Variants in NELL2 observed in about 807,000 individuals in gnomAD.
NELL2 encodes the protein neural EGFL like 2.
Under a neutral mutation model 109.6 loss-of-function variants are expected in NELL2, and 41 were observed. The ratio of observed to expected loss-of-function variants is 0.37; its 90% CI spans 0.29 to 0.49. The LOEUF (loss-of-function observed/expected upper bound fraction) is 0.49. Ranked by LOEUF, NELL2 falls within the 20% of genes least tolerant of loss-of-function variation. NELL2 has a pLI of 0.98. For missense variants in NELL2, 900 were observed against 1,008.3 expected, an observed-to-expected ratio of 0.89 and a Z score of 1.45; for synonymous variants, 355 against 344.7, an observed-to-expected ratio of 1.03 and a Z score of -0.33.
chr12:44,689,790 G>A lies in NELL2; in HGVS notation c.1318+13936C>T, dbSNP rs1313701945. The stretch of plus-strand genomic sequence containing the variant: ...ACAGGTGTACTACTGGCATCTAGTG[G>A]GTAGAGATCAGGGATGCTGCTAAAC... On this transcript the variant is annotated intron_variant, in intron 12 of 19. Transcript: ENST00000429094. 2.4e-4 allele frequency among the ~76,000 whole-genome samples: 36 copies of A among 152,084 alleles called. 1 individual carries two copies. The highest frequency in any genetic ancestry group is 2.4e-3 in the Admixed American group (36 of 15,256).
chr12:44,594,309 T>C (rs1944876096), intron 15 of NELL2, among the ~76,000 whole-genome samples: 1 of 151,620 alleles, frequency 6.6e-6, no homozygotes, highest in South Asian at 2.1e-4. Flanking sequence ...ATATTATATA[T>C]ATATATGTAC....
chr12:44,614,538 C>T (rs986536684), intron 13 of NELL2, among the ~76,000 whole-genome samples: 3 of 151,830 alleles, frequency 2.0e-5, no homozygotes, highest in Admixed American at 6.6e-5. Flanking sequence ...TAGTAAAGTT[C>T]GTCCATGGGA....
intron 16 of NELL2, among the ~76,000 whole-genome samples, chr12:44,526,143 T>TG (rs1941763322): frequency 6.6e-6 from 1 of 151,146 alleles, no homozygotes; most frequent in African/African-American, 2.4e-5. Flanking sequence ...TTTAGAGAAA[T>TG]GCAAAAAAAA....
intron 2 of NELL2, among the ~76,000 whole-genome samples, chr12:44,849,443 C>G (rs923503907): frequency 6.6e-6 from 1 of 151,984 alleles, no homozygotes; most frequent in African/African-American, 2.4e-5. Flanking sequence ...CAGGGAAATA[C>G]AAATTAAGTC....
chr12:44,911,511 A>C (rs1468304135), intron 1 of NELL2, among the ~76,000 whole-genome samples: 1 of 152,036 alleles, frequency 6.6e-6, no homozygotes, highest in East Asian at 1.9e-4. Context: ...ACAAAAATTA[A>C]GTAAATGCCT....
chr12:44,598,948 G>A (rs931902781), intron 15 of NELL2, among the ~76,000 whole-genome samples: 3 of 151,696 alleles, frequency 2.0e-5, no homozygotes, highest in Non-Finnish European at 2.9e-5. Flanking sequence ...CAGCACAGGC[G>A]ATTAGGAGGA....
At chr12:44,715,234 G>C (rs1375339688) in intron 9 of NELL2, among the ~76,000 whole-genome samples, 2 of 149,966 alleles carry the variant, frequency 1.3e-5, no homozygotes, top group East Asian at 3.9e-4. Flanking sequence ...TTATGGTTTA[G>C]TGTCATTTTA....
chr12:44,666,305 T>C (rs1297778865), intron 12 of NELL2, among the ~76,000 whole-genome samples: 2 of 152,226 alleles, frequency 1.3e-5, no homozygotes, highest in Non-Finnish European at 2.9e-5. Flanking sequence ...TTGTGAAGAA[T>C]GTGAATTTTC....
chr12:44,808,068 T>A (rs1431455808), intron 3 of NELL2, among the ~76,000 whole-genome samples: 1 of 152,010 alleles, frequency 6.6e-6, no homozygotes, highest in African/African-American at 2.4e-5. Flanking sequence ...TGCATCCCCA[T>A]CTAGGAGGAA....
chr12:44,587,097 C>T (rs1009081483), intron 15 of NELL2, among the ~76,000 whole-genome samples: 1 of 150,956 alleles, frequency 6.6e-6, no homozygotes, highest in African/African-American at 2.4e-5. Flanking sequence ...ATGGTGAAAC[C>T]CCATCTCTAC....
chr12:44,563,346 A>C (rs1305948205), intron 15 of NELL2, among the ~76,000 whole-genome samples: 5 of 152,174 alleles, frequency 3.3e-5, no homozygotes, highest in African/African-American at 1.2e-4. Flanking sequence ...ATGGAACATC[A>C]GAAGGGAGAA....
intron 15 of NELL2, among the ~76,000 whole-genome samples, chr12:44,558,216 A>G (rs899996820): frequency 6.6e-6 from 1 of 152,264 alleles, no homozygotes; most frequent in African/African-American, 2.4e-5. Context: ...TGGATGGTAC[A>G]AAGTACAAAA....
chr12:44,585,267 T>C (rs556056230), intron 15 of NELL2, among the ~76,000 whole-genome samples: 1 of 152,194 alleles, frequency 6.6e-6, no homozygotes, highest in East Asian at 1.9e-4. Flanking sequence ...ATTGAAACCA[T>C]TTGAAATAGT....
chr12:44,901,011 AAAACAAAACT>A (rs1945653943), intron 1 of NELL2, among the ~76,000 whole-genome samples: 1 of 151,978 alleles, frequency 6.6e-6, no homozygotes, highest in Non-Finnish European at 1.5e-5. Context: ...AAAACAAAAC[AAAACAAAACT>A]ACCAGAAGAC....
At chr12:44,766,016 G>A (rs751211526) in intron 9 of NELL2, among the ~76,000 whole-genome samples, 2 of 151,900 alleles carry the variant, frequency 1.3e-5, no homozygotes, top group Non-Finnish European at 2.9e-5. Context: ...GCTACAGGAG[G>A]TGGAGGCTGC....
At position 44,773,915 on chromosome 12, in the gene NELL2, G is replaced by A. The variant is rs557678368; in HGVS notation, c.994+832C>T. 8.3e-5 allele frequency among the ~76,000 whole-genome samples: 12 copies of A among 144,854 alleles called. No homozygotes were observed. The South Asian group carries it at 1.8e-3, about 22-fold the overall frequency. On this transcript the variant is annotated intron_variant, in intron 9 of 19. Transcript: ENST00000429094. ...TTGCTACTGTCTTTCTCTCCACCCC[G>A]CCGCCACTTCTCCCTACTTTGTCTT...
intron 9 of NELL2, among the ~76,000 whole-genome samples, chr12:44,718,458 C>A (rs889394042): frequency 6.6e-6 from 1 of 152,184 alleles, no homozygotes; most frequent in Non-Finnish European, 1.5e-5. Context: ...ATGTTAATTG[C>A]ATGCACATGT....
Position 44,550,296 on chromosome 12 carries a change from A to G in NELL2, c.1664-17575T>C, listed in dbSNP as rs561200358. On this transcript the variant is annotated intron_variant, in intron 15 of 19. Transcript: ENST00000429094. ...AAAATTAAAAATACAATGACTACATATATATCCAAATAACTTGAAATCAGG... is the reference window on the plus strand; with the variant it reads ...AAAATTAAAAATACAATGACTACATGTATATCCAAATAACTTGAAATCAGG... Among the ~76,000 whole-genome samples, 41 of 152,262 alleles carry G rather than the reference A, an allele frequency of 2.7e-4. No individual in the cohort carries two copies. In the South Asian group the frequency reaches 7.1e-3, roughly 26 times the overall value.
chr12:44,559,353 T>G (rs1199662364), intron 15 of NELL2, among the ~76,000 whole-genome samples: 1 of 152,156 alleles, frequency 6.6e-6, no homozygotes, highest in African/African-American at 2.4e-5. Context: ...GTAAATAGGT[T>G]AAATGCCCCA....
Sources: gnomAD v4.1 joint callset for allele counts (sites outside exome capture counted in the v4.1 genomes callset) on GRCh38, gnomAD v4.1.1 for gene constraint, MANE v1.5 for transcripts, NCBI Gene and HGNC (gene_info 2026-07-23, HGNC 2026-07-21) for gene names.